The following DRC11 variants were observed in gnomAD, a reference collection of about 807,000 sequenced individuals.
DRC11 encodes the protein IQ and AAA domain-containing protein 1.
At chr2:236,328,838 T>C in the DRC11 span, among the ~76,000 whole-genome samples, 1 of 152,242 alleles carries the variant, frequency 6.6e-6, no homozygotes, top group Non-Finnish European at 1.5e-5. This position sits in a 1 kb window ranked among gnomAD's most constrained non-coding sequence, Gnocchi z 6.7. Flanking sequence ...TTGTATTGTT[T>C]ATTTTATTGC....
the DRC11 span, among the ~76,000 whole-genome samples, chr2:236,504,371 C>T: frequency 1.6e-4 from 25 of 152,182 alleles, no homozygotes; most frequent in African/African-American, 5.3e-4. This position sits in a 1 kb window ranked among gnomAD's most constrained non-coding sequence, Gnocchi z 5.0. Context: ...GGGTTGTTTC[C>T]GCCTTCTTTG....
At chr2:236,380,221 G>A in the DRC11 span, among the ~76,000 whole-genome samples, 4 of 152,174 alleles carry the variant, frequency 2.6e-5, no homozygotes. This position sits in a 1 kb window ranked among gnomAD's most constrained non-coding sequence, Gnocchi z 4.9. Flanking sequence ...CAGCAGAGGC[G>A]CTCGGGCAGA....
chr2:236,417,826 G>T, the DRC11 span, among the ~76,000 whole-genome samples: 6 of 152,034 alleles, frequency 3.9e-5, no homozygotes, highest in Non-Finnish European at 8.8e-5. Context: ...AGAACATGTG[G>T]TGTTTGGTTT....
chr2:236,444,392 T>C, the DRC11 span, among the ~76,000 whole-genome samples: 2 of 152,270 alleles, frequency 1.3e-5, no homozygotes, highest in Non-Finnish European at 2.9e-5. Context: ...TATTGTACCA[T>C]TGGTGCCAAT....
chr2:236,488,030 A>G, the DRC11 span: 2 of 1,601,972 alleles, frequency 1.2e-6, no homozygotes, highest in Non-Finnish European at 1.7e-6. Context: ...CAGCCCAGGT[A>G]TCTGTCACTT....
At chr2:236,459,067 A>T in the DRC11 span, among the ~76,000 whole-genome samples, 3 of 152,154 alleles carry the variant, frequency 2.0e-5, no homozygotes, top group Non-Finnish European at 4.4e-5. Flanking sequence ...AAGGCAAATG[A>T]TAAACTGAGA....
the DRC11 span, chr2:236,324,105 T>C: frequency 6.6e-6 from 1 of 152,388 alleles, no homozygotes; most frequent in African/African-American, 2.4e-5. This position sits in a 1 kb window ranked among gnomAD's most constrained non-coding sequence, Gnocchi z 5.7. Context: ...AAATAGTTCA[T>C]TTGTAAGATC....
the DRC11 span, among the ~76,000 whole-genome samples, chr2:236,359,230 A>C: frequency 1.3e-5 from 2 of 152,000 alleles, no homozygotes; most frequent in Non-Finnish European, 2.9e-5. The surrounding 1 kb of genome is among the most constrained non-coding windows in gnomAD (Gnocchi z 4.3). Flanking sequence ...TACTATATAT[A>C]TATAGTCTAC....
At chr2:236,430,031 G>C in the DRC11 span, among the ~76,000 whole-genome samples, 1 of 152,140 alleles carries the variant, frequency 6.6e-6, no homozygotes, top group Non-Finnish European at 1.5e-5. The surrounding 1 kb of genome is among the most constrained non-coding windows in gnomAD (Gnocchi z 6.0). Context: ...CAGGGCTGTT[G>C]AGTTCCTCAG....
chr2:236,350,971 G>A, the DRC11 span, among the ~76,000 whole-genome samples: 1 of 152,296 alleles, frequency 6.6e-6, no homozygotes, highest in East Asian at 1.9e-4. The surrounding 1 kb of genome is among the most constrained non-coding windows in gnomAD (Gnocchi z 5.2). Flanking sequence ...GGATGAAAGG[G>A]ACAGAGGCTG....
At chr2:236,463,661 T>C in the DRC11 span, among the ~76,000 whole-genome samples, 1 of 152,176 alleles carries the variant, frequency 6.6e-6, no homozygotes, top group Non-Finnish European at 1.5e-5. The surrounding 1 kb of genome is among the most constrained non-coding windows in gnomAD (Gnocchi z 5.0). Flanking sequence ...TTTATAGTAG[T>C]TTAGGTTTTT....
the DRC11 span, among the ~76,000 whole-genome samples, chr2:236,490,877 C>T: frequency 6.7e-6 from 1 of 149,448 alleles, no homozygotes; most frequent in African/African-American, 2.5e-5. This position sits in a 1 kb window ranked among gnomAD's most constrained non-coding sequence, Gnocchi z 5.5. Context: ...TGCTTATATA[C>T]AGTACGTATC....
At chr2:236,349,755 GA>G in the DRC11 span, among the ~76,000 whole-genome samples, 1 of 152,104 alleles carries the variant, frequency 6.6e-6, no homozygotes, top group African/African-American at 2.4e-5. The surrounding 1 kb of genome is among the most constrained non-coding windows in gnomAD (Gnocchi z 5.5). Context: ...AAAATGAGTG[GA>G]AAAAATCATT....
the DRC11 span, among the ~76,000 whole-genome samples, chr2:236,432,066 C>T: frequency 6.6e-6 from 1 of 152,148 alleles, no homozygotes; most frequent in Non-Finnish European, 1.5e-5. Context: ...TGTGGGTTCC[C>T]TTTTCTCCAC....
At chr2:236,505,297 G>A in the DRC11 span, among the ~76,000 whole-genome samples, 3 of 152,150 alleles carry the variant, frequency 2.0e-5, no homozygotes, top group Non-Finnish European at 2.9e-5. Flanking sequence ...ATGCACTTCC[G>A]TGGGAACTCA....
chr2:236,440,536 C>CT, the DRC11 span, among the ~76,000 whole-genome samples: 1 of 152,140 alleles, frequency 6.6e-6, no homozygotes, highest in African/African-American at 2.4e-5. Flanking sequence ...GCCACTGAAG[C>CT]ATCTATAGAG....
At chr2:236,346,527 C>T in the DRC11 span, among the ~76,000 whole-genome samples, 7 of 152,282 alleles carry the variant, frequency 4.6e-5, no homozygotes, top group South Asian at 2.1e-4. Context: ...GCAGCCTATG[C>T]GGGTTCCCTC....
At chr2:236,447,362 C>A in the DRC11 span, among the ~76,000 whole-genome samples, 1 of 151,648 alleles carries the variant, frequency 6.6e-6, no homozygotes, top group African/African-American at 2.4e-5. This position sits in a 1 kb window ranked among gnomAD's most constrained non-coding sequence, Gnocchi z 4.6. Context: ...AGGGAAGATG[C>A]TGTGAAGAGA....
the DRC11 span, among the ~76,000 whole-genome samples, chr2:236,482,182 A>G: frequency 6.6e-6 from 1 of 151,862 alleles, no homozygotes; most frequent in South Asian, 2.1e-4. This position sits in a 1 kb window ranked among gnomAD's most constrained non-coding sequence, Gnocchi z 4.5. Flanking sequence ...TACCTTGAGC[A>G]TTTTCATGTA....
Sources: gnomAD v4.1 joint callset for allele counts (sites outside exome capture counted in the v4.1 genomes callset) on GRCh38, gnomAD v4.1.1 for gene constraint, Gnocchi (gnomAD v3.1) non-coding constraint, MANE v1.5 for transcripts, NCBI Gene and HGNC (gene_info 2026-07-23, HGNC 2026-07-21) for gene names.